Variants in TRPC5 observed in about 807,000 individuals in gnomAD.
TRPC5 encodes short transient receptor potential channel 5.
Under a neutral mutation model 56.5 loss-of-function variants are expected in TRPC5, and 9 were observed. The observed-to-expected ratio is 0.16, with a 90% CI of 0.10 to 0.28. TRPC5 has a LOEUF of 0.28. Ranked by LOEUF, TRPC5 falls within the 10% of genes least tolerant of loss-of-function variation. The pLI, the probability that TRPC5 is intolerant of heterozygous loss-of-function variation, is 1.00. For synonymous variants in TRPC5, 282 were observed against 278.5 expected (o/e 1.01, Z -0.13); for missense variants, 469 against 748.9 (o/e 0.63, Z 4.36).
At chrX:112,050,305 G>GT (rs1461211037) in intron 1 of TRPC5, among the ~76,000 whole-genome samples, 2 of 112,876 alleles carry the variant, frequency 1.8e-5, no homozygotes, top group Non-Finnish European at 3.7e-5. Flanking sequence ...AGGAACCCAT[G>GT]TTGGGCAACA....
At position 111,918,217 on chromosome X, in the gene TRPC5, G is replaced by A. The variant is rs571648988; in HGVS notation, c.379-5405C>T. 9.0e-5 allele frequency among the ~76,000 whole-genome samples: 10 copies of A among 111,509 alleles called. No homozygotes were observed. The South Asian group carries it at 3.8e-3, about 43-fold the overall frequency. ...TATCCTCAGAGACTGGAGGAAAAAA[G>A]GTGAGTTGAATGGAGGTGTTAGTAG... is the stretch of plus-strand genomic sequence containing the variant. On this transcript the variant is annotated intron_variant, in intron 2 of 10. Coordinates refer to ENST00000262839, the MANE Select transcript of TRPC5 (RefSeq NM_012471.3).
intron 1 of TRPC5, among the ~76,000 whole-genome samples, chrX:112,012,334 T>C (rs1301015052): frequency 1.8e-5 from 2 of 112,322 alleles, no homozygotes; most frequent in Non-Finnish European, 3.8e-5. Flanking sequence ...CACAATATCC[T>C]GTACAGAGTA....
At chrX:111,876,845 TG>T (rs1240418180) in intron 3 of TRPC5, among the ~76,000 whole-genome samples, 1 of 111,833 alleles carries the variant, frequency 8.9e-6, no homozygotes, top group African/African-American at 3.2e-5. Flanking sequence ...TGTTTTGTTT[TG>T]ATTTTCCCTT....
intron 7 of TRPC5, among the ~76,000 whole-genome samples, chrX:111,834,116 A>T (rs1292070724): frequency 8.9e-6 from 1 of 112,085 alleles, no homozygotes; most frequent in Non-Finnish European, 1.9e-5. Context: ...ATCTACTTTG[A>T]CATAAAAAAC....
intron 2 of TRPC5, among the ~76,000 whole-genome samples, chrX:111,946,431 C>A (rs1422207825): frequency 9.0e-6 from 1 of 111,570 alleles, no homozygotes; most frequent in Non-Finnish European, 1.9e-5. Context: ...TCCTGACTGG[C>A]AGAGCCTCAG....
chrX:111,849,118 C>G (rs1471455965), intron 5 of TRPC5, among the ~76,000 whole-genome samples: 1 of 112,226 alleles, frequency 8.9e-6, no homozygotes, highest in East Asian at 2.8e-4. Context: ...TGTTTTAAAA[C>G]TAGAAATCAA....
Position 112,074,315 on chromosome X carries a change from A to T in TRPC5, c.-22+7564T>A, listed in dbSNP as rs192884653. On this transcript the variant is annotated intron_variant, in intron 1 of 10. Transcript: ENST00000262839. Reference sequence around the variant, plus strand: ...TTTATTTTATTATATATATATATATATTTTTTATTGGGACATGGATGAAGC... The same window carrying T: ...TTTATTTTATTATATATATATATATTTTTTTTATTGGGACATGGATGAAGC... Among the ~76,000 whole-genome samples, 946 of 105,994 alleles carry T rather than the reference A, an allele frequency of 8.9e-3. 11 individuals carry two copies. The highest frequency in any genetic ancestry group is 0.03 in the African/African-American group (864 of 28,823). 92.0% of individuals were successfully genotyped at this position (105,994 alleles called of 115,157 possible). A position where few individuals can be genotyped will look rare whatever the true frequency, so the allele number is the denominator to read the frequency against.
intron 1 of TRPC5, among the ~76,000 whole-genome samples, chrX:111,993,572 T>C (rs2148656956): frequency 8.9e-6 from 1 of 112,429 alleles, no homozygotes; most frequent in South Asian, 3.7e-4. Flanking sequence ...TGTGGTTTCC[T>C]GACTTTTTAA....
chrX:111,992,131 A>C lies in TRPC5; in HGVS notation c.-21-39690T>G, dbSNP rs910431089. Among the ~76,000 whole-genome samples, 9 of 112,148 alleles carry C rather than the reference A, an allele frequency of 8.0e-5. 1 individual carries two copies. The Admixed American group carries it at 8.5e-4, about 11-fold the overall frequency. On this transcript the variant is annotated intron_variant, in intron 1 of 10. Coordinates refer to ENST00000262839, the MANE Select transcript of TRPC5 (RefSeq NM_012471.3). ...CAGTATGATCCTTTGGCAAGTAGAGACTTTCCCAAGTTACTACCTTGCACA... is the reference window on the plus strand; with the variant it reads ...CAGTATGATCCTTTGGCAAGTAGAGCCTTTCCCAAGTTACTACCTTGCACA...
intron 2 of TRPC5, among the ~76,000 whole-genome samples, chrX:111,946,669 A>C (rs764541084): frequency 8.9e-6 from 1 of 112,542 alleles, no homozygotes; most frequent in East Asian, 2.8e-4. Context: ...AAATTCACTT[A>C]ACTCTTTCAT....
intron 6 of TRPC5, among the ~76,000 whole-genome samples, chrX:111,845,354 T>C (rs755681508): frequency 1.1e-4 from 12 of 111,470 alleles, no homozygotes; most frequent in Non-Finnish European, 2.1e-4. Context: ...AAAGTTGAGG[T>C]AACATTACTG....
chrX:111,925,758 G>T (rs1926240942), intron 2 of TRPC5, among the ~76,000 whole-genome samples: 1 of 111,812 alleles, frequency 8.9e-6, no homozygotes, highest in Non-Finnish European at 1.9e-5. Flanking sequence ...GTAAACTGAA[G>T]GTAGTGGAAA....
intron 3 of TRPC5, among the ~76,000 whole-genome samples, chrX:111,893,158 TACAA>T (rs764573757): frequency 2.0e-3 from 217 of 108,053 alleles, no homozygotes; most frequent in African/African-American, 6.9e-3. Flanking sequence ...AAAAAGCATA[TACAA>T]ACAAACAACC....
chrX:111,875,568 C>G (rs796621181), intron 3 of TRPC5, among the ~76,000 whole-genome samples: 5 of 81,607 alleles, frequency 6.1e-5, no homozygotes, highest in African/African-American at 2.8e-4. Flanking sequence ...TTTCTTTTTT[C>G]TTTCTTTTTT....
At chrX:111,777,109 C>A in intron 10 of TRPC5, 107 bp from the exon 11 acceptor site, 1 of 551,896 alleles carries the variant, frequency 1.8e-6, no homozygotes, top group South Asian at 6.2e-5. Flanking sequence ...AGTAGCAAAT[C>A]ACAAAACACC....
At chrX:112,078,075 G>T (rs990388180) in intron 1 of TRPC5, among the ~76,000 whole-genome samples, 2 of 111,722 alleles carry the variant, frequency 1.8e-5, no homozygotes, top group Non-Finnish European at 3.8e-5. Context: ...TAGATGCCTT[G>T]CTGTTGGTGG....
chrX:111,842,120 T>TTATATATATATGTATATATATATATTA (rs1922764687), intron 6 of TRPC5, among the ~76,000 whole-genome samples: 2 of 80,640 alleles, frequency 2.5e-5, no homozygotes, highest in African/African-American at 2.3e-4. Context: ...TATATATATT[T>TTATATATATATGTATATATATATATTA]TATATATATA....
chrX:111,829,740 A>G (rs1295615701), intron 7 of TRPC5, among the ~76,000 whole-genome samples: 1 of 112,447 alleles, frequency 8.9e-6, no homozygotes, highest in Non-Finnish European at 1.9e-5. Flanking sequence ...AGGTTTGGGA[A>G]CCTCCACCTA....
At chrX:111,914,483 T>G (rs1209818970) in intron 2 of TRPC5, among the ~76,000 whole-genome samples, 1 of 111,942 alleles carries the variant, frequency 8.9e-6, no homozygotes, top group African/African-American at 3.3e-5. Context: ...GCACGCAGGA[T>G]TCTCAAACAG....
Sources: gnomAD v4.1 joint callset for allele counts (sites outside exome capture counted in the v4.1 genomes callset) on GRCh38, gnomAD v4.1.1 for gene constraint, MANE v1.5 for transcripts, NCBI Gene and HGNC (gene_info 2026-07-23, HGNC 2026-07-21) for gene names.